The following FARS2 variants were observed in gnomAD, a reference collection of about 807,000 sequenced individuals.
The protein encoded by FARS2 is phenylalanyl-tRNA synthetase 2, mitochondrial.
Under a neutral mutation model 46.4 loss-of-function variants are expected in FARS2, and 40 were observed. That is an observed-to-expected ratio of 0.86 (90% CI 0.67 to 1.12). The LOEUF (loss-of-function observed/expected upper bound fraction) is 1.12, where lower values mean the gene tolerates loss of function less well. Ranked by LOEUF, FARS2 falls within the 50% of genes most tolerant of loss-of-function variation. The probability of loss-of-function intolerance (pLI) is 0.00; values close to 1 mark genes in which losing one functional copy is unlikely to be tolerated. For synonymous variants in FARS2, 234 were observed against 214.9 expected, an observed-to-expected ratio of 1.09 and a Z score of -0.78; for missense variants, 513 against 567.9, an observed-to-expected ratio of 0.90 and a Z score of 0.98.
At chr6:5,280,248 A>G (rs1766628049) in intron 1 of FARS2, among the ~76,000 whole-genome samples, 1 of 152,252 alleles carries the variant, frequency 6.6e-6, no homozygotes, top group African/African-American at 2.4e-5. Flanking sequence ...GATTACTCAT[A>G]TGAATAGTGG....
chr6:5,322,829 A>T (rs1025306995), intron 1 of FARS2, among the ~76,000 whole-genome samples: 2 of 152,220 alleles, frequency 1.3e-5, no homozygotes, highest in Non-Finnish European at 2.9e-5. Context: ...TTGTGTTCAG[A>T]GGGAAAGCTT....
chr6:5,413,327 T>C (rs1346337158), intron 3 of FARS2, among the ~76,000 whole-genome samples: 1 of 152,132 alleles, frequency 6.6e-6, no homozygotes, highest in Non-Finnish European at 1.5e-5. Flanking sequence ...AAAATAAAAT[T>C]ATTGGATCTT....
chr6:5,266,008 A>G (rs1765526931), intron 1 of FARS2, among the ~76,000 whole-genome samples: 1 of 152,166 alleles, frequency 6.6e-6, no homozygotes, highest in Non-Finnish European at 1.5e-5. Flanking sequence ...AGGGGGCTTC[A>G]TGGAGGAGGT....
At chr6:5,372,583 T>G (rs534786024) in intron 2 of FARS2, among the ~76,000 whole-genome samples, 2 of 152,278 alleles carry the variant, frequency 1.3e-5, no homozygotes, top group Non-Finnish European at 2.9e-5. Context: ...ATAATAAAAA[T>G]GTTCCATATT....
intron 6 of FARS2, among the ~76,000 whole-genome samples, chr6:5,638,383 G>A (rs1280407978): frequency 1.3e-5 from 2 of 152,156 alleles, no homozygotes; most frequent in Admixed American, 6.5e-5. Context: ...TGGCCACCTT[G>A]GTGAAACCCC....
intron 4 of FARS2, among the ~76,000 whole-genome samples, chr6:5,450,660 G>A (rs967965396): frequency 3.9e-5 from 6 of 152,128 alleles, no homozygotes; most frequent in African/African-American, 1.4e-4. Context: ...AAAAACCAGA[G>A]GGTTAGGGAT....
chr6:5,604,191 C>G (rs1014557596), intron 5 of FARS2, among the ~76,000 whole-genome samples: 2 of 152,120 alleles, frequency 1.3e-5, no homozygotes, highest in Non-Finnish European at 2.9e-5. Context: ...CGGATATGTG[C>G]GAGGTTGCCA....
intron 3 of FARS2, among the ~76,000 whole-genome samples, chr6:5,407,447 C>T (rs1761680219): frequency 6.6e-6 from 1 of 152,006 alleles, no homozygotes; most frequent in African/African-American, 2.4e-5. Context: ...ACGCATAGTT[C>T]ATGTAATATA....
At chr6:5,758,276 G>A (rs968466031) in intron 6 of FARS2, among the ~76,000 whole-genome samples, 8 of 152,008 alleles carry the variant, frequency 5.3e-5, no homozygotes, top group Non-Finnish European at 1.2e-4. Context: ...TTATGGTTAT[G>A]CCTTCTTTTA....
chr6:5,342,332 G>T (rs1410262062), intron 1 of FARS2, among the ~76,000 whole-genome samples: 2 of 152,162 alleles, frequency 1.3e-5, no homozygotes, highest in East Asian at 3.8e-4. Flanking sequence ...ACAACTATTT[G>T]AAGACTGTGG....
At chr6:5,367,305 A>G (rs1483781691) in intron 1 of FARS2, among the ~76,000 whole-genome samples, 5 of 152,250 alleles carry the variant, frequency 3.3e-5, no homozygotes, top group African/African-American at 1.2e-4. Flanking sequence ...ACATAGTTGT[A>G]TGCTTTAAAA....
chr6:5,701,367 GCA>G (rs1402148258), intron 6 of FARS2, among the ~76,000 whole-genome samples: 1 of 152,254 alleles, frequency 6.6e-6, no homozygotes, highest in Non-Finnish European at 1.5e-5. Flanking sequence ...CCTTGTCTGT[GCA>G]CAGTCTGGAG....
chr6:5,442,060 C>T (rs924015077), intron 4 of FARS2, among the ~76,000 whole-genome samples: 3 of 148,650 alleles, frequency 2.0e-5, no homozygotes, highest in Non-Finnish European at 4.4e-5. Context: ...GTAGCCGCCA[C>T]TCCACTCCAG....
At chr6:5,613,942 A>G (rs1299554204) in intron 6 of FARS2, among the ~76,000 whole-genome samples, 1 of 152,224 alleles carries the variant, frequency 6.6e-6, no homozygotes, top group African/African-American at 2.4e-5. Context: ...GATGATGGGC[A>G]GTGAAGAAAG....
chr6:5,330,901 T>C (rs1402919898), intron 1 of FARS2, among the ~76,000 whole-genome samples: 1 of 151,646 alleles, frequency 6.6e-6, no homozygotes, highest in Non-Finnish European at 1.5e-5. Flanking sequence ...AACTCAGGAG[T>C]TCTAGTGCAG....
intron 1 of FARS2, among the ~76,000 whole-genome samples, chr6:5,329,080 A>G (rs1770603441): frequency 6.6e-6 from 1 of 151,674 alleles, no homozygotes. Flanking sequence ...TTTCAGTGAT[A>G]GTGTAGCCTG....
intron 6 of FARS2, among the ~76,000 whole-genome samples, chr6:5,638,838 C>T (rs1776672078): frequency 6.6e-6 from 1 of 152,182 alleles, no homozygotes; most frequent in Non-Finnish European, 1.5e-5. Flanking sequence ...ATAGGGGCCT[C>T]CACTGGGCAG....
At chr6:5,582,900 G>C (rs1221782661) in intron 5 of FARS2, among the ~76,000 whole-genome samples, 2 of 152,240 alleles carry the variant, frequency 1.3e-5, no homozygotes, top group African/African-American at 2.4e-5. Context: ...TTGACTGCTT[G>C]AGTGTGTTTC....
intron 4 of FARS2, among the ~76,000 whole-genome samples, chr6:5,447,001 G>C (rs1764220676): frequency 2.6e-5 from 4 of 152,170 alleles, no homozygotes; most frequent in Admixed American, 2.0e-4. Flanking sequence ...AACCTAGATA[G>C]GGTCAGTTCC....
Sources: gnomAD v4.1 joint callset for allele counts (sites outside exome capture counted in the v4.1 genomes callset) on GRCh38, gnomAD v4.1.1 for gene constraint, MANE v1.5 for transcripts, NCBI Gene and HGNC (gene_info 2026-07-23, HGNC 2026-07-21) for gene names.